The following BCL2 variants were observed in gnomAD, a reference collection of about 807,000 sequenced individuals.
The protein encoded by BCL2 is BCL2 apoptosis regulator.
A neutral mutation model predicts 14.2 loss-of-function variants in BCL2; 1 was observed. That is an observed-to-expected ratio of 0.07 (90% CI 0.02 to 0.33). The LOEUF is 0.33. BCL2 is among the 10% of genes least tolerant of loss of function. The probability of loss-of-function intolerance (pLI) is 0.99; values close to 1 mark genes in which losing one functional copy is unlikely to be tolerated. For missense variants in BCL2, 247 were observed against 305.9 expected (o/e 0.81, Z 1.44); for synonymous variants, 151 against 137.2 (o/e 1.10, Z -0.70).
chr18:63,219,846 C>G (rs1910335715), intron 2 of BCL2, among the ~76,000 whole-genome samples: 1 of 152,144 alleles, frequency 6.6e-6, no homozygotes, highest in Non-Finnish European at 1.5e-5. Flanking sequence ...ACACATAATC[C>G]AGTTTGGGGA....
chr18:63,251,195 G>T (rs1748016284), intron 2 of BCL2, among the ~76,000 whole-genome samples: 2 of 140,190 alleles, frequency 1.4e-5, no homozygotes, highest in Admixed American at 1.4e-4. Flanking sequence ...GGGTGGTGGG[G>T]ACACAAGCTG....
chr18:63,266,637 T>TCTCTCTCTCTCACACACACA lies in BCL2; in HGVS notation c.585+51444_585+51445insTGTGTGTGTGAGAGAGAGAG, dbSNP rs1491465885. On this transcript the variant is annotated intron_variant, in intron 2 of 2. Transcript: ENST00000333681. ...CTCTCTCTCTCTCTCTCTCTCTCTCTCACACACACACACACACACAAAAAT... is the reference window on the plus strand; with the variant it reads ...CTCTCTCTCTCTCTCTCTCTCTCTCTCTCTCTCTCTCACACACACACACACACACACACACACACAAAAAT... Among the ~76,000 whole-genome samples the TCTCTCTCTCTCACACACACA allele has an allele frequency of 2.4e-3, 203 of 85,984 alleles. 1 individual carries two copies. Among genetic ancestry groups the TCTCTCTCTCTCACACACACA allele is most frequent in the African/African-American group, 7.1e-3 (196 of 27,664 alleles). 56.4% of individuals were successfully genotyped at this position (85,984 alleles called of 152,430 possible).
intron 2 of BCL2, among the ~76,000 whole-genome samples, chr18:63,204,647 TA>T (rs755813611): frequency 3.9e-5 from 6 of 152,198 alleles, no homozygotes; most frequent in Non-Finnish European, 7.3e-5. Flanking sequence ...GTTGTTGTTT[TA>T]AACCACTATG....
chr18:63,241,613 T>A (rs1911004051), intron 2 of BCL2, among the ~76,000 whole-genome samples: 1 of 152,232 alleles, frequency 6.6e-6, no homozygotes, highest in Non-Finnish European at 1.5e-5. Context: ...TGGTCTCTAA[T>A]TTTACTGCTA....
chr18:63,169,915 C>G (rs1012515494), intron 2 of BCL2, among the ~76,000 whole-genome samples: 5 of 152,124 alleles, frequency 3.3e-5, no homozygotes, highest in African/African-American at 1.2e-4. Context: ...TAGAGATGAT[C>G]CTTTAATGTT....
At chr18:63,189,385 T>C (rs73471319) in intron 2 of BCL2, among the ~76,000 whole-genome samples, 3,002 of 152,244 alleles carry the variant, frequency 0.02, 32 homozygotes, top group South Asian at 0.054. Context: ...TGTTGCTTAG[T>C]CTGAAACCAT....
rs2144325349 is a variant in BCL2 at position 63,318,536 on chromosome 18, G to A, written c.131C>T (p.Pro44Leu). The change falls in exon 2 of 3, where the codon CCC becomes CTC. Residue 44 changes from proline to leucine, a missense_variant. Pro to Leu is a moderately conservative substitution (Grantham distance 98, BLOSUM62 -3). This residue lies in a region of BCL2 where 144 missense variants were observed against 135.3 expected (regional missense o/e 1.06). Coordinates refer to ENST00000333681, the MANE Select transcript of BCL2 (RefSeq NM_000633.3). The surrounding 1 kb of genome is among the most constrained non-coding windows in gnomAD (Gnocchi z 7.4). ...DVGAAPPGAA[P>L]APGIFSSQPG... ...CTGGGAGGAGAAGATGCCCGGTGCG[G>A]GGGCGGCCCCCGGGGGCGCGGCGCC... is the stretch of plus-strand genomic sequence containing the variant. 6.3e-7 allele frequency: 1 copy of A among 1,585,628 alleles called. No individual in the cohort carries two copies. The highest frequency in any genetic ancestry group is 1.1e-5 in the South Asian group (1 of 89,768).
chr18:63,171,377 G>A (rs907698808), intron 2 of BCL2, among the ~76,000 whole-genome samples: 1 of 152,242 alleles, frequency 6.6e-6, no homozygotes, highest in Admixed American at 6.5e-5. Flanking sequence ...CGGTGTGAAT[G>A]AGCCTGATTC....
intron 2 of BCL2, among the ~76,000 whole-genome samples, chr18:63,178,899 C>CA (rs111876869): frequency 0.056 from 7,423 of 132,814 alleles, 246 homozygotes; most frequent in African/African-American, 0.087. Context: ...GGGTTCAAGG[C>CA]AAAAAAAAAA....
At chr18:63,159,653 G>A (rs1914868755) in intron 2 of BCL2, among the ~76,000 whole-genome samples, 1 of 152,158 alleles carries the variant, frequency 6.6e-6, no homozygotes, top group African/African-American at 2.4e-5. Context: ...CACAGGCCTG[G>A]GATATTAGGT....
At chr18:63,160,556 C>G (rs2199937) in intron 2 of BCL2, among the ~76,000 whole-genome samples, 1 of 152,010 alleles carries the variant, frequency 6.6e-6, no homozygotes, top group Non-Finnish European at 1.5e-5. Context: ...GTTTCAACAC[C>G]GAGAGGAGTT....
At chr18:63,187,414 T>C (rs1915616544) in intron 2 of BCL2, among the ~76,000 whole-genome samples, 1 of 152,222 alleles carries the variant, frequency 6.6e-6, no homozygotes, top group Admixed American at 6.5e-5. Context: ...CTCTCCCTTA[T>C]GCACATGCCG....
At chr18:63,237,911 C>G (rs1910886119) in intron 2 of BCL2, among the ~76,000 whole-genome samples, 5 of 151,278 alleles carry the variant, frequency 3.3e-5, no homozygotes. Context: ...ATCAAGAATA[C>G]AGAGTTTCAA....
intron 2 of BCL2, among the ~76,000 whole-genome samples, chr18:63,134,433 C>A (rs1914156939): frequency 6.6e-6 from 1 of 152,268 alleles, no homozygotes; most frequent in East Asian, 1.9e-4. Context: ...TAAGTGAGGG[C>A]CTCCTTAGAC....
At chr18:63,310,231 G>C (rs1734298385) in intron 2 of BCL2, among the ~76,000 whole-genome samples, 1 of 152,160 alleles carries the variant, frequency 6.6e-6, no homozygotes, top group Admixed American at 6.5e-5. Flanking sequence ...AGGGAGGGCT[G>C]TCTATACAAG....
intron 2 of BCL2, among the ~76,000 whole-genome samples, chr18:63,215,548 T>C (rs928874498): frequency 6.6e-6 from 1 of 152,168 alleles, no homozygotes. Flanking sequence ...CTACAAAACA[T>C]TTGGTAAGAT....
intron 2 of BCL2, among the ~76,000 whole-genome samples, chr18:63,151,748 G>A (rs1023727556): frequency 2.0e-5 from 3 of 152,128 alleles, no homozygotes; most frequent in East Asian, 3.8e-4. Context: ...CTCTTAATGC[G>A]ATGTGAGTCC....
intron 2 of BCL2, among the ~76,000 whole-genome samples, chr18:63,297,922 T>C (rs942467405): frequency 6.6e-6 from 1 of 152,186 alleles, no homozygotes; most frequent in Non-Finnish European, 1.5e-5. Context: ...GATGAGCACG[T>C]GTCCCTGGGA....
intron 2 of BCL2, among the ~76,000 whole-genome samples, chr18:63,269,978 T>C (rs1319109107): frequency 2.6e-5 from 4 of 152,214 alleles, no homozygotes; most frequent in Non-Finnish European, 4.4e-5. Context: ...GAAATGTATA[T>C]ATATACATCT....
Sources: gnomAD v4.1 joint callset for allele counts (sites outside exome capture counted in the v4.1 genomes callset) on GRCh38, gnomAD v4.1.1 for gene constraint, gnomAD v4.1.1 regional missense constraint, Gnocchi (gnomAD v3.1) non-coding constraint, MANE v1.5 for transcripts, NCBI Gene and HGNC (gene_info 2026-07-23, HGNC 2026-07-21) for gene names.